SLN: variants seen among roughly 807,000 people sequenced by gnomAD.
SLN encodes the protein sarcolipin.
For synonymous variants in SLN, 19 were observed against 14.4 expected (o/e 1.32, Z -0.72); for missense variants, 34 against 37.4 (o/e 0.91, Z 0.24).
chr11:107,709,218 G>T (rs1304549374), intron 1 of SLN, among the ~76,000 whole-genome samples: 1 of 152,210 alleles, frequency 6.6e-6, no homozygotes, highest in African/African-American at 2.4e-5. Flanking sequence ...CAGTGAGATG[G>T]TGTAAATTGC....
intron 1 of SLN, among the ~76,000 whole-genome samples, chr11:107,708,359 A>AGG (rs1455109277): frequency 6.6e-6 from 1 of 152,118 alleles, no homozygotes; most frequent in African/African-American, 2.4e-5. Context: ...AGCCAAAGAA[A>AGG]GGACTCAGAA....
chr11:107,709,124 G>C (rs1867184897), intron 1 of SLN, among the ~76,000 whole-genome samples: 1 of 152,198 alleles, frequency 6.6e-6, no homozygotes, highest in African/African-American at 2.4e-5. Context: ...AGCAGGGATG[G>C]TATCTTCATA....
At chr11:107,711,307 T>G (rs921706555) in intron 1 of SLN, among the ~76,000 whole-genome samples, 1 of 152,204 alleles carries the variant, frequency 6.6e-6, no homozygotes, top group African/African-American at 2.4e-5. Flanking sequence ...GGGATTTACC[T>G]CTTACTACTT....
chr11:107,710,368 A>G (rs145253851), intron 1 of SLN, among the ~76,000 whole-genome samples: 467 of 152,374 alleles, frequency 3.1e-3, no homozygotes, highest in African/African-American at 0.011. Context: ...ATATACTCAG[A>G]AAATGAGAAA....
chr11:107,707,749 G>A lies in SLN; in HGVS notation c.*86C>T, dbSNP rs372407983. 2 of 956,964 alleles carry A rather than the reference G, an allele frequency of 2.1e-6. No homozygotes were observed. Among genetic ancestry groups the A allele is most frequent in the African/African-American group, 3.2e-5 (2 of 62,186 alleles). The allele number at this position is 956,964 out of a possible 1,614,324, so 59.3% of individuals were successfully genotyped here. A position where few individuals can be genotyped will look rare whatever the true frequency, so the allele number is the denominator to read the frequency against. ...GCCCTCGGATGGAGAATGGCATCCT[G>A]TGACAATGACAGCAGTGGGGTCTCA... is the stretch of plus-strand genomic sequence containing the variant. On this transcript the variant is annotated 3_prime_UTR_variant, in exon 2 of 2. Coordinates refer to ENST00000305991, the MANE Select transcript of SLN (RefSeq NM_003063.3).
rs539117282 is a variant in SLN, at chr11:107,710,781, G to T, written c.-76+1182C>A. On this transcript the variant is annotated intron_variant, in intron 1 of 1. Transcript: ENST00000305991. ...GTGCGTGCCAGGTTACATAAATAAAGAGTTCACAGCAATATTATCACAATA... is the reference window on the plus strand; with the variant it reads ...GTGCGTGCCAGGTTACATAAATAAATAGTTCACAGCAATATTATCACAATA... Among the ~76,000 whole-genome samples the T allele has an allele frequency of 3.0e-4, 45 of 152,254 alleles. No homozygotes were observed. In the South Asian group the frequency reaches 8.9e-3, roughly 30 times the overall value.
At chr11:107,709,310 C>T (rs1320653610) in intron 1 of SLN, among the ~76,000 whole-genome samples, 2 of 152,040 alleles carry the variant, frequency 1.3e-5, no homozygotes, top group Non-Finnish European at 2.9e-5. Flanking sequence ...CATTTAGGAC[C>T]AAAGTCTACT....
At chr11:107,709,600 T>C (rs1867190321) in intron 1 of SLN, among the ~76,000 whole-genome samples, 1 of 152,158 alleles carries the variant, frequency 6.6e-6, no homozygotes, top group South Asian at 2.1e-4. Flanking sequence ...TAGTCCTAGC[T>C]AATTGGGAAG....
intron 1 of SLN, 99 bp from the exon 2 acceptor site, chr11:107,708,104 A>G: frequency 1.6e-6 from 1 of 615,660 alleles, no homozygotes. Context: ...GTTGTGGAAA[A>G]GGAGAGTGTG....
chr11:107,708,560 A>G (rs1488237284), intron 1 of SLN, among the ~76,000 whole-genome samples: 2 of 152,152 alleles, frequency 1.3e-5, no homozygotes, highest in Admixed American at 6.5e-5. Flanking sequence ...TCTATTAGTT[A>G]TGTTTCTCTG....
At chr11:107,708,595 A>C (rs146783730) in intron 1 of SLN, among the ~76,000 whole-genome samples, 342 of 152,314 alleles carry the variant, frequency 2.2e-3, no homozygotes, top group African/African-American at 7.9e-3. Flanking sequence ...TTACAGAGAG[A>C]GAGCCTGATT....
intron 1 of SLN, among the ~76,000 whole-genome samples, chr11:107,709,523 G>T (rs183276815): frequency 3.3e-5 from 5 of 152,248 alleles, no homozygotes; most frequent in African/African-American, 1.2e-4. Context: ...CCAACTGAAT[G>T]ATCATTTTTC....
intron 1 of SLN, among the ~76,000 whole-genome samples, chr11:107,708,805 T>C (rs1043469708): frequency 2.0e-5 from 3 of 152,234 alleles, no homozygotes; most frequent in Admixed American, 6.5e-5. Context: ...AAAAATTTTA[T>C]GGTTTAGTAT....
In SLN at chr11:107,707,829, G is replaced by A. The variant is rs755715426; in HGVS notation, c.*6C>T. On this transcript the variant is annotated 3_prime_UTR_variant, in exon 2 of 2. Coordinates refer to ENST00000305991, the MANE Select transcript of SLN (RefSeq NM_003063.3). ...TCAGTCAATCCCAGGACCATGGCATGGCCTCTCAGTACTGATAGGACCTCA... is the reference window on the plus strand; with the variant it reads ...TCAGTCAATCCCAGGACCATGGCATAGCCTCTCAGTACTGATAGGACCTCA... 1 of 1,605,088 alleles carries A rather than the reference G, an allele frequency of 6.2e-7. No individual in the cohort carries two copies. The highest frequency in any genetic ancestry group is 8.5e-7 in the Non-Finnish European group (1 of 1,172,134).
chr11:107,709,152 A>C (rs925363839), intron 1 of SLN, among the ~76,000 whole-genome samples: 6 of 152,270 alleles, frequency 3.9e-5, no homozygotes, highest in African/African-American at 9.6e-5. Context: ...CAGATTGTCC[A>C]TACAGGAAAT....
At position 107,707,895 on chromosome 11, in the gene SLN, G is replaced by T. The variant is rs777133080; in HGVS notation, c.36C>A (p.Phe12Leu). 1.9e-6 allele frequency: 3 copies of T among 1,613,998 alleles called. No individual in the cohort carries two copies. The highest frequency in any genetic ancestry group is 2.2e-5 in the South Asian group (2 of 91,074). ...GAATAACCGTAATCAAGACAATAGT[G>T]AAGTTGAGAAACAGCTCCCGGGTGT... ...GINTRELFLN[F>L]TIVLITVILM... The change falls in exon 2 of 2, where the codon TTC (phenylalanine) becomes TTA (leucine). Residue 12 changes from phenylalanine (F) to leucine (L), a missense_variant. Coordinates refer to ENST00000305991, the MANE Select transcript of SLN (RefSeq NM_003063.3).
intron 1 of SLN, among the ~76,000 whole-genome samples, chr11:107,710,296 C>A (rs778891968): frequency 2.6e-5 from 4 of 152,202 alleles, no homozygotes; most frequent in Non-Finnish European, 5.9e-5. Context: ...AACGGTCCCA[C>A]CAAATCTGCC....
rs1247984313 is a variant in SLN at position 107,707,826 on chromosome 11, C to T, written c.*9G>A. 4 of 1,601,610 alleles carry T rather than the reference C, an allele frequency of 2.5e-6. No individual in the cohort carries two copies. The stretch of plus-strand genomic sequence containing the variant: ...ATCTCAGTCAATCCCAGGACCATGG[C>T]ATGGCCTCTCAGTACTGATAGGACC... On this transcript the variant is annotated 3_prime_UTR_variant, in exon 2 of 2. Coordinates refer to ENST00000305991, the MANE Select transcript of SLN (RefSeq NM_003063.3).
Position 107,707,954 on chromosome 11 carries a change from T to G in SLN, c.-24A>C, listed in dbSNP as rs1412574207. On this transcript the variant is annotated 5_prime_UTR_variant, in exon 2 of 2. Transcript: ENST00000305991. ...ATTTTCACAGCGGCTTGGTGAGAACTGCAGGCAGATTTCTGAGGGCACACC... is the reference window on the plus strand; with the variant it reads ...ATTTTCACAGCGGCTTGGTGAGAACGGCAGGCAGATTTCTGAGGGCACACC... The G allele has an allele frequency of 4.4e-6, 7 of 1,575,816 alleles. No individual in the cohort carries two copies. In the Admixed American group the frequency reaches 1.2e-4, roughly 26 times the overall value.
Sources: gnomAD v4.1 joint callset for allele counts (sites outside exome capture counted in the v4.1 genomes callset) on GRCh38, gnomAD v4.1.1 for gene constraint, MANE v1.5 for transcripts, NCBI Gene and HGNC (gene_info 2026-07-23, HGNC 2026-07-21) for gene names.